DIS3L: variants seen among roughly 807,000 people sequenced by gnomAD.
DIS3L encodes the protein DIS3-like exonuclease 1.
DIS3L carries 100 observed loss-of-function variants against 120.3 expected under a neutral mutation model. The ratio of observed to expected loss-of-function variants is 0.83; its 90% confidence interval spans 0.71 to 0.98. DIS3L has a LOEUF of 0.98. Among genes scored for constraint, DIS3L ranks in the 50% least tolerant of loss-of-function variants. The pLI, the probability that DIS3L is intolerant of heterozygous loss-of-function variation, is 0.00. For synonymous variants in DIS3L, 426 were observed against 470.6 expected (o/e 0.91, Z 1.23); for missense variants, 1,196 against 1,314.2 (o/e 0.91, Z 1.39).
intron 15 of DIS3L, 112 bp downstream of exon 15, chr15:66,332,132 G>A (rs565334317): frequency 9.4e-7 from 1 of 1,064,974 alleles, no homozygotes; most frequent in South Asian, 1.9e-5. Context: ...GTTATCATAT[G>A]TACATAATGT....
At chr15:66,317,841 T>TAA (rs35644337) in intron 7 of DIS3L, among the ~76,000 whole-genome samples, 1 of 130,304 alleles carries the variant, frequency 7.7e-6, no homozygotes, top group African/African-American at 2.7e-5. Flanking sequence ...TCCTGTTTCT[T>TAA]AAAAAAAAAA....
chr15:66,323,497 A>G lies in DIS3L; in HGVS notation c.1579A>G (p.Thr527Ala). 1.2e-6 allele frequency: 2 copies of G among 1,614,230 alleles called. No individual in the cohort carries two copies. The highest frequency in any genetic ancestry group is 1.7e-6 in the Non-Finnish European group (2 of 1,180,044). Residue 527 changes from threonine (T) to alanine (A), a missense_variant, in exon 11 of 17, where the codon ACC (threonine) becomes GCC (alanine). Thr to Ala is a moderately conservative substitution (Grantham distance 58). Transcript: ENST00000319212. ...CCGCGTGTGTGTCATTCACAGGGCC[A>G]CCACTTATTATCTAGCAGATCGTCG... is the stretch of plus-strand genomic sequence containing the variant. ...YIDIEARTRA[T>A]TYYLADRRYD...
chr15:66,317,594 A>G (rs1413262071), intron 7 of DIS3L, among the ~76,000 whole-genome samples: 1 of 152,150 alleles, frequency 6.6e-6, no homozygotes, highest in Non-Finnish European at 1.5e-5. Flanking sequence ...TGAGATTGAT[A>G]AGATAATGGC....
intron 4 of DIS3L, among the ~76,000 whole-genome samples, chr15:66,310,444 G>T (rs530096571): frequency 1.3e-5 from 2 of 152,294 alleles, no homozygotes; most frequent in South Asian, 4.2e-4. Context: ...CAAGAAAACT[G>T]TGTGACCAAG....
intron 2 of DIS3L, among the ~76,000 whole-genome samples, chr15:66,300,444 G>A (rs67579761): frequency 0.061 from 9,346 of 152,242 alleles, 370 homozygotes; most frequent in Middle Eastern, 0.11. Context: ...TTTCTTTTCC[G>A]AGTGATTAAA....
intron 7 of DIS3L, among the ~76,000 whole-genome samples, chr15:66,315,751 G>A (rs535087860): frequency 3.9e-5 from 6 of 152,248 alleles, no homozygotes; most frequent in South Asian, 2.1e-4. Context: ...TTAACTCCAC[G>A]TTCTCTCTTC....
chr15:66,318,663 C>T (rs1243070421), intron 8 of DIS3L, 45 bp downstream of exon 8: 1 of 1,584,976 alleles, frequency 6.3e-7, no homozygotes. Context: ...ACGCTTTCTC[C>T]TTCTGTCTTT....
chr15:66,326,789 C>T lies in DIS3L; in HGVS notation c.2201+425C>T, dbSNP rs568806972. 7.8e-4 allele frequency among the ~76,000 whole-genome samples: 118 copies of T among 151,344 alleles called. 1 individual carries two copies. In the South Asian group the frequency reaches 0.018, roughly 23 times the overall value. ...TAGAGACAGGGTTTCGCCATGTTGG[C>T]TAGGCTGGTCTTGAACTCCTGACCT... On this transcript the variant is annotated intron_variant, in intron 12 of 16. Coordinates refer to ENST00000319212, the MANE Select transcript of DIS3L (RefSeq NM_001143688.3).
At chr15:66,305,992 TTTG>T (rs1212237065) in intron 2 of DIS3L, among the ~76,000 whole-genome samples, 4 of 152,204 alleles carry the variant, frequency 2.6e-5, no homozygotes, top group African/African-American at 9.7e-5. Context: ...AAGGATCTTT[TTTG>T]TTGTTGTTTT....
chr15:66,326,258 A>G lies in DIS3L; in HGVS notation c.2095A>G (p.Ser699Gly). The change falls in exon 12 of 17, where the codon AGC becomes GGC. Residue 699 changes from serine to glycine, a missense_variant. Physicochemically the swap from Ser to Gly is moderately conservative, Grantham distance 56. Transcript: ENST00000319212. ...NHWVAKKIWE[S>G]FPHQALLRQH... ...CTGGGTCGCCAAAAAGATCTGGGAG[A>G]GCTTCCCTCATCAGGCCTTGCTGCG... 1.2e-6 allele frequency: 2 copies of G among 1,613,964 alleles called. No individual in the cohort carries two copies. The highest frequency in any genetic ancestry group is 1.7e-6 in the Non-Finnish European group (2 of 1,179,992).
intron 2 of DIS3L, 96 bp downstream of exon 2, chr15:66,295,237 T>G: frequency 8.0e-7 from 1 of 1,244,532 alleles, no homozygotes; most frequent in Non-Finnish European, 1.1e-6. Flanking sequence ...ATTCATTATT[T>G]TGTCAGAAGG....
At chr15:66,302,049 A>G (rs2092653401) in intron 2 of DIS3L, among the ~76,000 whole-genome samples, 1 of 151,990 alleles carries the variant, frequency 6.6e-6, no homozygotes, top group African/African-American at 2.4e-5. Flanking sequence ...CTTGTGGCAG[A>G]CACATCAGTA....
chr15:66,326,433 C>A, intron 12 of DIS3L, 69 bp downstream of exon 12: 1 of 1,492,246 alleles, frequency 6.7e-7, no homozygotes, highest in Non-Finnish European at 9.0e-7. Context: ...TACAGTTGTT[C>A]TTAAAATGTG....
intron 14 of DIS3L, chr15:66,329,666 C>T (rs1013819870): frequency 2.7e-6 from 3 of 1,099,964 alleles, no homozygotes; most frequent in African/African-American, 1.7e-5. Flanking sequence ...AGAGGCCAGA[C>T]GTGGTGGCTC....
At chr15:66,325,770 AAAAAC>A in intron 11 of DIS3L, 56 bp from the exon 12 acceptor site, 4 of 1,534,206 alleles carry the variant, frequency 2.6e-6, no homozygotes, top group Non-Finnish European at 3.5e-6. Flanking sequence ...CAAAAAAACA[AAAAAC>A]AAAAAAAGCC....
chr15:66,302,201 CAAAA>C (rs201166215), intron 2 of DIS3L, among the ~76,000 whole-genome samples: 3 of 151,344 alleles, frequency 2.0e-5, no homozygotes, highest in African/African-American at 7.3e-5. Flanking sequence ...TGTCTCAATA[CAAAA>C]AAAACCAAAA....
In DIS3L at chr15:66,308,773, G is replaced by A. The variant is rs1358135702; in HGVS notation, c.487G>A (p.Val163Met). 5 of 1,613,522 alleles carry A rather than the reference G, an allele frequency of 3.1e-6. No homozygotes were observed. The highest frequency in any genetic ancestry group is 1.3e-5 in the African/African-American group (1 of 74,808). ...HCQDRMPIVM[V>M]TEDEEAIQQY... The stretch of plus-strand genomic sequence containing the variant: ...CCAGGACAGGATGCCAATTGTTATG[G>A]TGACAGAAGATGAAGAGGCAATTCA... The change falls in exon 4 of 17, where the codon GTG becomes ATG. Residue 163 changes from valine (V) to methionine (M), a missense_variant. Physicochemically the swap from Val to Met is conservative, Grantham distance 21. Coordinates refer to ENST00000319212, the MANE Select transcript of DIS3L (RefSeq NM_001143688.3).
chr15:66,317,797 G>C (rs1595744600), intron 7 of DIS3L, among the ~76,000 whole-genome samples: 1 of 150,234 alleles, frequency 6.7e-6, no homozygotes, highest in East Asian at 1.9e-4. Context: ...TCTGTGAATA[G>C]CCAGTGCACT....
chr15:66,309,094 A>AAAAAAAAAATATATATATATATATAT lies in DIS3L; in HGVS notation c.558+251_558+252insAAAAAAAATATATATATATATATATA. 5.2e-4 allele frequency among the ~76,000 whole-genome samples: 8 copies of AAAAAAAAAATATATATATATATATAT among 15,314 alleles called. 2 individuals are homozygous for AAAAAAAAAATATATATATATATATAT. Among genetic ancestry groups the AAAAAAAAAATATATATATATATATAT allele is most frequent in the Admixed American group, 3.2e-3 (2 of 620 alleles). The allele number at this position is 15,314 out of a possible 152,430, so 10.0% of individuals were successfully genotyped here. A position where few individuals can be genotyped will look rare whatever the true frequency, so the allele number is the denominator to read the frequency against. On this transcript the variant is annotated intron_variant, in intron 4 of 16. Transcript: ENST00000319212. ...CTTGTCTCTACAGAAAAAAAAAAAA[A>AAAAAAAAAATATATATATATATATAT]ATATATATATCTCCAAGCATGGTGG...
Sources: allele counts gnomAD v4.1 joint callset (sites outside exome capture counted in the v4.1 genomes callset), GRCh38; gene constraint gnomAD v4.1.1; transcripts MANE v1.5; gene names NCBI Gene and HGNC (gene_info 2026-07-23, HGNC 2026-07-21).